The following SPON1 variants were observed in gnomAD, a reference collection of about 807,000 sequenced individuals.
The protein encoded by SPON1 is spondin 1, also known as spondin-1.
Under a neutral mutation model 111.7 loss-of-function variants are expected in SPON1, and 52 were observed. The ratio of observed to expected loss-of-function variants is 0.47; its 90% confidence interval spans 0.37 to 0.59. The LOEUF (loss-of-function observed/expected upper bound fraction) is 0.59, where lower values mean the gene tolerates loss of function less well. Among genes scored for constraint, SPON1 ranks in the 20% least tolerant of loss-of-function variants. The pLI is 0.00. For synonymous variants in SPON1, 410 were observed against 395.8 expected (o/e 1.04, Z -0.43); for missense variants, 957 against 1,068.5 (o/e 0.90, Z 1.46).
At chr11:14,097,275 G>A (rs564265046) in intron 5 of SPON1, among the ~76,000 whole-genome samples, 61 of 152,180 alleles carry the variant, frequency 4.0e-4, no homozygotes, top group Non-Finnish European at 7.8e-4. Context: ...TTTAATAATA[G>A]GGAGTGCATT....
chr11:14,077,658 CAAGT>C (rs759637023), intron 4 of SPON1, among the ~76,000 whole-genome samples: 15 of 151,750 alleles, frequency 9.9e-5, no homozygotes, highest in Non-Finnish European at 2.1e-4. Flanking sequence ...CTCTGTCTCA[CAAGT>C]AAGATCTAAA....
chr11:13,963,699 C>A (rs1272472921), intron 1 of SPON1, among the ~76,000 whole-genome samples: 1 of 151,960 alleles, frequency 6.6e-6, no homozygotes, highest in African/African-American at 2.4e-5. Context: ...TCCCGGGGTG[C>A]GGGAAGGAGG....
intron 6 of SPON1, among the ~76,000 whole-genome samples, chr11:14,216,837 C>T (rs1434547229): frequency 6.6e-6 from 1 of 152,146 alleles, no homozygotes; most frequent in Non-Finnish European, 1.5e-5. Flanking sequence ...ACATTCAAAC[C>T]ATAACATTTA....
At chr11:14,160,599 A>G (rs868915369) in intron 6 of SPON1, among the ~76,000 whole-genome samples, 1 of 29,528 alleles carries the variant, frequency 3.4e-5, no homozygotes, top group Non-Finnish European at 5.7e-5. Flanking sequence ...ATATATATTT[A>G]TATATATTTA....
intron 7 of SPON1, among the ~76,000 whole-genome samples, chr11:14,245,548 C>T (rs1011799418): frequency 1.3e-5 from 2 of 152,212 alleles, no homozygotes; most frequent in Non-Finnish European, 2.9e-5. Context: ...GAACCCTCTC[C>T]TGCTGTGTGG....
At chr11:14,175,153 C>G (rs1251720996) in intron 6 of SPON1, among the ~76,000 whole-genome samples, 3 of 152,154 alleles carry the variant, frequency 2.0e-5, no homozygotes, top group East Asian at 1.9e-4. Context: ...GAAGATAAAG[C>G]CTTAGCTACT....
intron 5 of SPON1, among the ~76,000 whole-genome samples, chr11:14,102,600 G>A (rs1849152655): frequency 6.6e-6 from 1 of 152,202 alleles, no homozygotes; most frequent in Non-Finnish European, 1.5e-5. Flanking sequence ...TCCAGTCTAA[G>A]ATTATATACT....
chr11:13,966,660 T>C (rs1848018380), intron 1 of SPON1, among the ~76,000 whole-genome samples: 1 of 152,190 alleles, frequency 6.6e-6, no homozygotes, highest in Non-Finnish European at 1.5e-5. Flanking sequence ...CAAAGCTGCA[T>C]GGTTTTTCCT....
chr11:14,078,866 C>T (rs1229988896), intron 4 of SPON1, among the ~76,000 whole-genome samples: 5 of 152,208 alleles, frequency 3.3e-5, no homozygotes, highest in Admixed American at 3.3e-4. Context: ...TTCTATCCAT[C>T]ATGGATTTTA....
intron 2 of SPON1, among the ~76,000 whole-genome samples, chr11:14,010,293 T>C (rs1554913569): frequency 6.6e-6 from 1 of 151,592 alleles, no homozygotes; most frequent in Non-Finnish European, 1.5e-5. Context: ...AACCCTGTAG[T>C]AGATGCAAAA....
rs375278612 is a variant in SPON1 at position 14,135,449 on chromosome 11, G to A, written c.706G>A (p.Gly236Arg). ...GGCCAACCACTGGTCTGCGATCATC[G>A]GAGGATCCCACTCCAAGAATTATGT... The part of the protein sequence containing the change: ...RRANHWSAII[G>R]GSHSKNYVLW... Residue 236 changes from glycine to arginine, a missense_variant, in exon 6 of 16, where the codon GGA becomes AGA. By Grantham distance (125) the Gly-to-Arg change is moderately radical (BLOSUM62 -2). Around this residue, in one of 5 missense-constraint regions of SPON1, gnomAD observed 122 missense variants for 143.2 expected, o/e 0.85. Transcript: ENST00000576479. The surrounding 1 kb of genome is among the most constrained non-coding windows in gnomAD (Gnocchi z 4.4). 9.9e-6 allele frequency: 16 copies of A among 1,612,992 alleles called. No homozygotes were observed. Among genetic ancestry groups the A allele is most frequent in the Non-Finnish European group, 1.2e-5 (14 of 1,179,254 alleles).
At chr11:14,021,540 C>T (rs1259080899) in intron 2 of SPON1, among the ~76,000 whole-genome samples, 3 of 152,146 alleles carry the variant, frequency 2.0e-5, no homozygotes, top group African/African-American at 4.8e-5. Context: ...AGGATCCAGT[C>T]CCTGGTTTTG....
At chr11:14,241,928 C>T (rs914161646) in intron 6 of SPON1, among the ~76,000 whole-genome samples, 4 of 152,016 alleles carry the variant, frequency 2.6e-5, no homozygotes, top group African/African-American at 9.7e-5. Flanking sequence ...GAGGGTACCC[C>T]GGGGAGCCTG....
At chr11:14,171,603 T>C (rs1848101513) in intron 6 of SPON1, among the ~76,000 whole-genome samples, 1 of 152,236 alleles carries the variant, frequency 6.6e-6, no homozygotes, top group African/African-American at 2.4e-5. Flanking sequence ...ATTTTAGATC[T>C]TTCCTGCTTT....
At chr11:14,244,747 C>T (rs2133919153) in intron 7 of SPON1, among the ~76,000 whole-genome samples, 2 of 152,250 alleles carry the variant, frequency 1.3e-5, no homozygotes, top group Middle Eastern at 3.4e-3. Context: ...GACTCTGTCT[C>T]AACAACAACA....
chr11:14,224,103 CATTT>C (rs1362506925), intron 6 of SPON1, among the ~76,000 whole-genome samples: 1 of 152,170 alleles, frequency 6.6e-6, no homozygotes, highest in East Asian at 1.9e-4. Flanking sequence ...ATTAAACAAA[CATTT>C]ATTTAATACC....
chr11:14,210,310 G>A (rs576824836), intron 6 of SPON1, among the ~76,000 whole-genome samples: 1 of 149,824 alleles, frequency 6.7e-6, no homozygotes, highest in Admixed American at 6.6e-5. Context: ...CATTGCTTTT[G>A]GTGTTTTTCT....
At chr11:14,086,507 T>C (rs1849007673) in intron 5 of SPON1, among the ~76,000 whole-genome samples, 1 of 152,234 alleles carries the variant, frequency 6.6e-6, no homozygotes, top group Non-Finnish European at 1.5e-5. Context: ...GACTTGATCA[T>C]GGTGGATAAG....
chr11:14,253,605 A>C (rs576054895), intron 7 of SPON1, among the ~76,000 whole-genome samples: 1 of 152,352 alleles, frequency 6.6e-6, no homozygotes, highest in African/African-American at 2.4e-5. Context: ...ACTTCCAGAC[A>C]GCTGAGGCAG....
Sources: allele counts gnomAD v4.1 joint callset (sites outside exome capture counted in the v4.1 genomes callset), GRCh38; gene constraint gnomAD v4.1.1; regional missense constraint gnomAD v4.1.1; non-coding constraint Gnocchi (gnomAD v3.1); transcripts MANE v1.5; gene names NCBI Gene and HGNC (gene_info 2026-07-23, HGNC 2026-07-21).